Variants in ARFIP1 observed in about 807,000 individuals in gnomAD.
The protein encoded by ARFIP1 is ARF interacting protein 1, also known as arfaptin-1.
Under a neutral mutation model 42.5 loss-of-function variants are expected in ARFIP1, and 24 were observed. The ratio of observed to expected loss-of-function variants is 0.57; its 90% CI spans 0.41 to 0.80. ARFIP1 has a LOEUF of 0.80. Among genes scored for constraint, ARFIP1 ranks in the 30% least tolerant of loss-of-function variants. The pLI is 0.00. For missense variants in ARFIP1, 354 were observed against 434.0 expected (o/e 0.82, Z 1.64); for synonymous variants, 141 against 153.7 (o/e 0.92, Z 0.61).
chr4:152,854,543 T>C (rs1367111824), intron 2 of ARFIP1, among the ~76,000 whole-genome samples: 1 of 152,216 alleles, frequency 6.6e-6, no homozygotes, highest in Non-Finnish European at 1.5e-5. Flanking sequence ...TGCTTGTTCA[T>C]GTTTTTTGTG....
chr4:152,888,065 T>A, intron 7 of ARFIP1, 68 bp from the exon 8 acceptor site: 1 of 1,334,620 alleles, frequency 7.5e-7, no homozygotes, highest in Non-Finnish European at 1.0e-6. Flanking sequence ...TATTACGTAT[T>A]TCCAACCCAT....
chr4:152,904,895 TG>T (rs917050356), intron 8 of ARFIP1, among the ~76,000 whole-genome samples: 40 of 152,212 alleles, frequency 2.6e-4, no homozygotes, highest in Non-Finnish European at 3.2e-4. Context: ...TTTATATTTT[TG>T]GGGGGGTATA....
chr4:152,799,718 A>C (rs1731685662), intron 1 of ARFIP1, among the ~76,000 whole-genome samples: 1 of 151,908 alleles, frequency 6.6e-6, no homozygotes, highest in African/African-American at 2.4e-5. Context: ...TTTTAAGATC[A>C]GATCTCTGAA....
intron 7 of ARFIP1, among the ~76,000 whole-genome samples, chr4:152,886,825 G>C (rs1489111451): frequency 6.6e-6 from 1 of 151,914 alleles, no homozygotes; most frequent in Admixed American, 6.6e-5. Context: ...ATTGTTGAAT[G>C]AATCAGTGTA....
intron 1 of ARFIP1, among the ~76,000 whole-genome samples, chr4:152,812,838 T>G (rs544646856): frequency 6.6e-6 from 1 of 152,344 alleles, no homozygotes; most frequent in African/African-American, 2.4e-5. Context: ...CCTCCTTCTT[T>G]TTCATTTCCA....
intron 8 of ARFIP1, among the ~76,000 whole-genome samples, chr4:152,897,860 C>T (rs1350659133): frequency 6.6e-6 from 1 of 151,820 alleles, no homozygotes; most frequent in East Asian, 1.9e-4. Context: ...CTTTGCTATA[C>T]TTTTTTAGTT....
At chr4:152,804,136 A>AT (rs1728691899) in intron 1 of ARFIP1, among the ~76,000 whole-genome samples, 1 of 121,866 alleles carries the variant, frequency 8.2e-6, no homozygotes, top group Non-Finnish European at 1.6e-5. Flanking sequence ...TATTATATAT[A>AT]ATATAACATG....
chr4:152,855,909 TCTC>T (rs1442115192), intron 2 of ARFIP1, among the ~76,000 whole-genome samples: 1 of 152,192 alleles, frequency 6.6e-6, no homozygotes, highest in Non-Finnish European at 1.5e-5. Context: ...CTTGCTTCCT[TCTC>T]CTTCCTTGCT....
At chr4:152,829,504 G>T in intron 1 of ARFIP1, 121 bp from the exon 2 acceptor site, 1 of 574,744 alleles carries the variant, frequency 1.7e-6, no homozygotes, top group Non-Finnish European at 3.0e-6. Flanking sequence ...TATTATACAA[G>T]TATTTGGTAG....
intron 3 of ARFIP1, among the ~76,000 whole-genome samples, chr4:152,866,941 G>A (rs1168500791): frequency 2.6e-5 from 4 of 151,044 alleles, no homozygotes; most frequent in Non-Finnish European, 4.4e-5. Context: ...GATGGATGGC[G>A]GCCGGGAAGA....
At chr4:152,868,859 A>G (rs1266389159) in intron 3 of ARFIP1, among the ~76,000 whole-genome samples, 3 of 152,204 alleles carry the variant, frequency 2.0e-5, no homozygotes, top group East Asian at 1.9e-4. Flanking sequence ...AGTGATTTCT[A>G]TATTGAATTT....
chr4:152,896,500 TA>T (rs1737340161), intron 8 of ARFIP1, among the ~76,000 whole-genome samples: 1 of 152,204 alleles, frequency 6.6e-6, no homozygotes, highest in Non-Finnish European at 1.5e-5. Context: ...AAGTAGTGTT[TA>T]TTGTACAGTA....
In ARFIP1 at chr4:152,796,090, T is replaced by G. The variant is rs570042287; in HGVS notation, c.-10+15864T>G. The stretch of plus-strand genomic sequence containing the variant: ...AAACCAGTAAGACTGCATTTATGCA[T>G]CCATCATTTTCAGGATTGTTGATAA... On this transcript the variant is annotated intron_variant, in intron 1 of 8. Transcript: ENST00000353617. 120 of 743,640 alleles carry G rather than the reference T, an allele frequency of 1.6e-4. No individual in the cohort carries two copies. In the African/African-American group the frequency reaches 2.0e-3, roughly 13 times the overall value. 46.1% of individuals were successfully genotyped at this position (743,640 alleles called of 1,614,324 possible).
chr4:152,781,241 T>TC (rs1483436001), intron 1 of ARFIP1, among the ~76,000 whole-genome samples: 4 of 145,872 alleles, frequency 2.7e-5, no homozygotes, highest in African/African-American at 5.0e-5. Context: ...TTTCTTTTTT[T>TC]TTTTTTTTTT....
At chr4:152,882,701 T>G (rs1735940467) in intron 6 of ARFIP1, 22 bp from the exon 7 acceptor site, 1 of 1,606,550 alleles carries the variant, frequency 6.2e-7, no homozygotes, top group East Asian at 2.2e-5. Context: ...CTGAATAAAT[T>G]AAGGTGACTT....
chr4:152,825,853 G>C (rs982557544), intron 1 of ARFIP1, among the ~76,000 whole-genome samples: 1 of 152,018 alleles, frequency 6.6e-6, no homozygotes, highest in Non-Finnish European at 1.5e-5. Flanking sequence ...CAAATGACAT[G>C]ACCAGACATT....
chr4:152,837,249 A>G (rs1420104730), intron 2 of ARFIP1, among the ~76,000 whole-genome samples: 3 of 152,140 alleles, frequency 2.0e-5, no homozygotes, highest in Admixed American at 1.3e-4. Context: ...TGTGTGTGCA[A>G]GTATCTTTTT....
intron 1 of ARFIP1, among the ~76,000 whole-genome samples, chr4:152,815,846 G>T (rs895114455): frequency 6.9e-6 from 1 of 145,060 alleles, no homozygotes; most frequent in African/African-American, 2.5e-5. Flanking sequence ...CCGGGTTCAC[G>T]CCATTCTCCT....
intron 1 of ARFIP1, among the ~76,000 whole-genome samples, chr4:152,782,313 A>T (rs112544470): frequency 6.8e-4 from 103 of 152,108 alleles, no homozygotes; most frequent in African/African-American, 2.4e-3. Context: ...GAATGCAGGG[A>T]TTCTTCTAGT....
Sources: gnomAD v4.1 joint callset for allele counts (sites outside exome capture counted in the v4.1 genomes callset) on GRCh38, gnomAD v4.1.1 for gene constraint, MANE v1.5 for transcripts, NCBI Gene and HGNC (gene_info 2026-07-23, HGNC 2026-07-21) for gene names.